Variants in EPG5 observed in about 807,000 individuals in gnomAD.
EPG5 encodes the protein ectopic P-granules 5 autophagy tethering factor, also known as ectopic P granules protein 5 homolog.
Under a neutral mutation model 302.7 loss-of-function variants are expected in EPG5, and 159 were observed. The observed-to-expected ratio is 0.53, with a 90% confidence interval of 0.46 to 0.60. EPG5 has a LOEUF of 0.60. Among genes scored for constraint, EPG5 ranks in the 20% least tolerant of loss-of-function variants. The pLI, the probability that EPG5 is intolerant of heterozygous loss-of-function variation, is 0.00. For synonymous variants in EPG5, 1,158 were observed against 1,136.8 expected, an observed-to-expected ratio of 1.02 and a Z score of -0.37; for missense variants, 2,896 against 3,092.4, an observed-to-expected ratio of 0.94 and a Z score of 1.51.
In EPG5 at chr18:45,954,524, A is replaced by T; in HGVS notation, c.878T>A (p.Leu293Ter). The T allele has an allele frequency of 1.2e-6, 2 of 1,614,284 alleles. No individual in the cohort carries two copies. The highest frequency in any genetic ancestry group is 1.7e-6 in the Non-Finnish European group (2 of 1,180,044). ...CCTACATCGTGAGTAGTTCAAAAGC[A>T]ACTCATAAAATTCATGCCTGTCTTG... The part of the protein sequence containing the change: ...AHQDRHEFYE[L>*]LLNYSRCRKQ... Residue 293 changes from leucine to a stop codon, truncating the protein, a stop_gained, in exon 2 of 44, where the codon TTG (leucine) becomes TAG (stop). Coordinates refer to ENST00000282041, the MANE Select transcript of EPG5 (RefSeq NM_020964.3). LOFTEE classifies it high-confidence loss of function.
At chr18:45,864,231 G>A (rs936237288) in intron 39 of EPG5, among the ~76,000 whole-genome samples, 32 of 152,016 alleles carry the variant, frequency 2.1e-4, no homozygotes, top group Non-Finnish European at 1.2e-4. Context: ...TCCTGCCTCC[G>A]CCTCCATGCC....
In EPG5 at chr18:45,901,038, TG is replaced by T; in HGVS notation, c.4603del (p.Gln1535SerfsTer7). On this transcript the variant is annotated frameshift_variant, in exon 26 of 44. Coordinates refer to ENST00000282041, the MANE Select transcript of EPG5 (RefSeq NM_020964.3). LOFTEE classifies it high-confidence loss of function. ...AVLLSQKDAT[Q>X]LVCTDLNLLQ... ...CAGATTCAGGTCTGTGCACACCAGC[TG>T]GGTGGCGTCCTTCTGACTCAATAGC... is the stretch of plus-strand genomic sequence containing the variant. 2 of 1,614,110 alleles carry T rather than the reference TG, an allele frequency of 1.2e-6. No homozygotes were observed. Among genetic ancestry groups the T allele is most frequent in the Non-Finnish European group, 1.7e-6 (2 of 1,179,978 alleles).
At chr18:45,879,820 G>A (rs766450083) in intron 32 of EPG5, among the ~76,000 whole-genome samples, 3 of 152,136 alleles carry the variant, frequency 2.0e-5, no homozygotes, top group East Asian at 1.9e-4. Context: ...GGTGGAGTCC[G>A]ATGGGCTAGG....
At chr18:45,873,652 C>A (rs1202650422) in intron 35 of EPG5, among the ~76,000 whole-genome samples, 4 of 152,000 alleles carry the variant, frequency 2.6e-5, no homozygotes, top group Non-Finnish European at 5.9e-5. Context: ...TTGAGTACTA[C>A]TAGGATTTCA....
Position 45,934,791 on chromosome 18 carries a change from T to C in EPG5, c.2257+18A>G. 1.3e-6 allele frequency: 2 copies of C among 1,587,244 alleles called. No individual in the cohort carries two copies. Among genetic ancestry groups the C allele is most frequent in the Non-Finnish European group, 1.7e-6 (2 of 1,169,556 alleles). On this transcript the variant is annotated intron_variant, in intron 11 of 43. Coordinates refer to ENST00000282041, the MANE Select transcript of EPG5 (RefSeq NM_020964.3). ...AAGATAGGGAGAGCTGGACGCCGAC[T>C]GCTCGGCGGGGCTGTACCTTGGAGC...
the EPG5 span, among the ~76,000 whole-genome samples, chr18:45,831,878 T>C: frequency 1.3e-5 from 2 of 152,142 alleles, no homozygotes; most frequent in South Asian, 4.1e-4. Flanking sequence ...GCTGGGATTA[T>C]AGACGTGCAC....
intron 28 of EPG5, 114 bp from the exon 29 acceptor site, chr18:45,888,021 C>A: frequency 2.6e-6 from 2 of 775,006 alleles, no homozygotes; most frequent in Non-Finnish European, 3.8e-6. Flanking sequence ...CCTCAGAGCA[C>A]CCATGAAAAT....
At chr18:45,841,269 G>A in the EPG5 span, among the ~76,000 whole-genome samples, 1 of 152,078 alleles carries the variant, frequency 6.6e-6, no homozygotes, top group Non-Finnish European at 1.5e-5. Context: ...AGGAGCGGTG[G>A]AGTTCCAGAG....
chr18:45,878,250 T>C (rs2049014497), intron 34 of EPG5, 126 bp downstream of exon 34: 6 of 644,298 alleles, frequency 9.3e-6, no homozygotes, highest in Non-Finnish European at 1.4e-5. Context: ...AGAAGCCTTT[T>C]CTAAATTTAA....
rs969512856 is a variant in EPG5, at chr18:45,881,474, C to T, written c.5518+800G>A. On this transcript the variant is annotated intron_variant, in intron 31 of 43. Transcript: ENST00000282041. ...ACATTTCAAGGTCCTTTGGGCAACC[C>T]GATACACTGGATCATTAACTTATCC... 3.3e-5 allele frequency among the ~76,000 whole-genome samples: 5 copies of T among 152,106 alleles called. No homozygotes were observed. The East Asian group carries it at 5.8e-4, about 18-fold the overall frequency.
At chr18:45,895,983 C>T (rs983808721) in intron 27 of EPG5, among the ~76,000 whole-genome samples, 5 of 152,156 alleles carry the variant, frequency 3.3e-5, no homozygotes, top group East Asian at 1.9e-4. Flanking sequence ...CTGAGCAAAA[C>T]GAACAACTTG....
At chr18:45,860,482 G>A (rs987518915) in intron 39 of EPG5, 136 bp from the exon 40 acceptor site, 23 of 1,088,514 alleles carry the variant, frequency 2.1e-5, no homozygotes, top group Non-Finnish European at 2.8e-5. Flanking sequence ...GCAAGGGACT[G>A]GAAGGAAGGC....
chr18:45,923,489 G>T (rs1367092698), intron 14 of EPG5, 102 bp from the exon 15 acceptor site: 2 of 1,263,440 alleles, frequency 1.6e-6, no homozygotes, highest in Non-Finnish European at 2.2e-6. Flanking sequence ...AAGGATCTTC[G>T]ATGTAGAAGC....
At chr18:45,810,359 T>A in the EPG5 span, among the ~76,000 whole-genome samples, 1 of 152,172 alleles carries the variant, frequency 6.6e-6, no homozygotes, top group Non-Finnish European at 1.5e-5. Flanking sequence ...TCCTAAATCA[T>A]TCTATGAAGC....
At chr18:45,953,640 T>C (rs948441358) in intron 2 of EPG5, 1 of 985,198 alleles carries the variant, frequency 1.0e-6, no homozygotes, top group African/African-American at 1.7e-5. Context: ...CTAATGGTCT[T>C]CTCCATCCCC....
chr18:45,836,713 T>C, the EPG5 span, among the ~76,000 whole-genome samples: 1 of 152,238 alleles, frequency 6.6e-6, no homozygotes, highest in Non-Finnish European at 1.5e-5. Context: ...GCCCAGGCAC[T>C]AGGGAAGCCA....
At chr18:45,884,516 C>T in intron 30 of EPG5, 101 bp downstream of exon 30, 1 of 1,110,556 alleles carries the variant, frequency 9.0e-7, no homozygotes, top group Non-Finnish European at 1.3e-6. Flanking sequence ...CTCTGCTGTA[C>T]CTGGAAACAA....
At chr18:45,860,702 C>G (rs1448784304) in intron 39 of EPG5, among the ~76,000 whole-genome samples, 1 of 152,142 alleles carries the variant, frequency 6.6e-6, no homozygotes, top group Admixed American at 6.6e-5. Context: ...AAACCAAATA[C>G]GTAGATCTCA....
intron 23 of EPG5, among the ~76,000 whole-genome samples, chr18:45,909,940 C>T (rs2049851994): frequency 6.6e-6 from 1 of 152,172 alleles, no homozygotes; most frequent in African/African-American, 2.4e-5. Flanking sequence ...CACTGCATTC[C>T]AGCCTGGGCA....
Sources: gnomAD v4.1 joint callset for allele counts (sites outside exome capture counted in the v4.1 genomes callset) on GRCh38, gnomAD v4.1.1 for gene constraint, MANE v1.5 for transcripts, NCBI Gene and HGNC (gene_info 2026-07-23, HGNC 2026-07-21) for gene names.